The following RGPD1 variants were observed in gnomAD, a reference collection of about 807,000 sequenced individuals.
The protein encoded by RGPD1 is RANBP2 like and GRIP domain containing 1.
Under a neutral mutation model 40.6 loss-of-function variants are expected in RGPD1, and 7 were observed. The ratio of observed to expected loss-of-function variants is 0.17; its 90% CI spans 0.10 to 0.32. The LOEUF (loss-of-function observed/expected upper bound fraction) is 0.32. Ranked by LOEUF, RGPD1 falls within the 10% of genes least tolerant of loss-of-function variation. The probability of loss-of-function intolerance (pLI) is 1.00; values close to 1 mark genes in which losing one functional copy is unlikely to be tolerated. For missense variants in RGPD1, 50 were observed against 472.5 expected (o/e 0.11, Z 8.29); for synonymous variants, 24 against 167.0 (o/e 0.14, Z 6.60).
chr2:86,941,148 A>G (rs1302311402), upstream of RGPD1, among the ~76,000 whole-genome samples: 1 of 152,234 alleles, frequency 6.6e-6, no homozygotes, highest in African/African-American at 2.4e-5. Flanking sequence ...CCACATAATT[A>G]AGACTGTAAT....
intron 1 of RGPD1, among the ~76,000 whole-genome samples, chr2:86,945,657 A>C (rs28416556): frequency 2.6e-5 from 4 of 151,958 alleles, no homozygotes; most frequent in African/African-American, 4.8e-5. Context: ...TCTGTAATCC[A>C]AGCACTTTGG....
intron 1 of RGPD1, among the ~76,000 whole-genome samples, chr2:86,944,982 C>T (rs1680233073): frequency 6.6e-6 from 1 of 150,576 alleles, no homozygotes; most frequent in Non-Finnish European, 1.5e-5. Context: ...GCCACAAGTG[C>T]TGAGATTACA....
upstream of RGPD1, chr2:86,913,810 C>G: frequency 1.3e-6 from 2 of 1,525,516 alleles, no homozygotes; most frequent in Non-Finnish European, 1.8e-6. Flanking sequence ...CGGGGCTGAG[C>G]GCTGGTTTCA....
Position 86,913,870 on chromosome 2 carries a change from C to G in RGPD1, c.21C>G (p.Tyr7Ter), listed in dbSNP as rs375834601. ...GTGCGATGAGGCGCAGCAAGGCCTA[C>G]GGGGAGCGGTACCTCGCCTCGGTGC... Residue 7 changes from tyrosine (Y) to a stop codon, truncating the protein, a stop_gained, in exon 1 of 23, where the codon TAC becomes TAG. Coordinates refer to the RGPD1 transcript ENST00000398193. LOFTEE classifies it high-confidence loss of function. 30 of 1,579,642 alleles carry G rather than the reference C, an allele frequency of 1.9e-5. 2 individuals are homozygous for G. Among genetic ancestry groups the G allele is most frequent in the Non-Finnish European group, 2.4e-5 (28 of 1,162,782 alleles).
exon 1 of RGPD1, chr2:86,913,855 G>A: frequency 6.3e-7 from 1 of 1,578,978 alleles, no homozygotes; most frequent in Non-Finnish European, 8.6e-7. Flanking sequence ...GTGCGATGAG[G>A]CGCAGCAAGG....
intron 1 of RGPD1, among the ~76,000 whole-genome samples, chr2:86,918,495 T>C (rs1391148733): frequency 7.4e-6 from 1 of 135,974 alleles, no homozygotes; most frequent in African/African-American, 3.1e-5. Context: ...AATGTTGCTC[T>C]GTCACCTAGG....
intron 1 of RGPD1, among the ~76,000 whole-genome samples, chr2:86,924,632 T>C (rs1484744052): frequency 7.3e-5 from 11 of 150,822 alleles, no homozygotes; most frequent in African/African-American, 2.7e-4. Context: ...GCCTGGCTAA[T>C]TTTTAAATTT....
At chr2:86,931,709 A>G (rs1020540637) in intron 1 of RGPD1, among the ~76,000 whole-genome samples, 23 of 151,800 alleles carry the variant, frequency 1.5e-4, no homozygotes, top group African/African-American at 5.6e-4. Context: ...ATAAATAAAT[A>G]ATCAAGTTCC....
At chr2:86,927,108 C>T (rs1469965231) in intron 1 of RGPD1, among the ~76,000 whole-genome samples, 1 of 152,120 alleles carries the variant, frequency 6.6e-6, no homozygotes, top group Admixed American at 6.6e-5. Context: ...CCACTTAAAT[C>T]AGTTTTAATT....
upstream of RGPD1, chr2:86,913,688 A>T (rs1206493118): frequency 4.5e-6 from 6 of 1,322,908 alleles, no homozygotes; most frequent in Non-Finnish European, 6.0e-6. Flanking sequence ...TGGAGCGCCG[A>T]CGTCGCCAAG....
At chr2:86,954,692 G>A (rs566578328) in intron 4 of RGPD1, among the ~76,000 whole-genome samples, 1 of 141,234 alleles carries the variant, frequency 7.1e-6, no homozygotes, top group Admixed American at 7.3e-5. Flanking sequence ...TTTGGATAGG[G>A]GATACTCAAC....
intron 1 of RGPD1, among the ~76,000 whole-genome samples, chr2:86,936,304 C>G (rs1425718786): frequency 2.5e-5 from 2 of 80,286 alleles, no homozygotes; most frequent in African/African-American, 8.3e-5. Flanking sequence ...CCGCACCAGG[C>G]CTCAATAAAA....
chr2:86,955,954 T>G (rs1168601154), intron 4 of RGPD1, among the ~76,000 whole-genome samples: 1 of 151,000 alleles, frequency 6.6e-6, no homozygotes, highest in Non-Finnish European at 1.5e-5. Flanking sequence ...TAAGATACTT[T>G]GAAGCACTCT....
upstream of RGPD1, among the ~76,000 whole-genome samples, chr2:86,941,365 T>C (rs957335661): frequency 6.6e-6 from 1 of 150,636 alleles, no homozygotes; most frequent in Non-Finnish European, 1.5e-5. Flanking sequence ...GAAATATATA[T>C]AGATTTGGGG....
At chr2:86,944,369 T>A (rs917182029) in intron 1 of RGPD1, among the ~76,000 whole-genome samples, 3 of 151,910 alleles carry the variant, frequency 2.0e-5, no homozygotes, top group African/African-American at 7.3e-5. Flanking sequence ...TAATTGAGGG[T>A]TCCTGTAACT....
At chr2:87,007,715 A>G (rs1329643229) in intron 22 of RGPD1, among the ~76,000 whole-genome samples, 1 of 152,252 alleles carries the variant, frequency 6.6e-6, no homozygotes, top group Non-Finnish European at 1.5e-5. Flanking sequence ...CTCTTAGAGA[A>G]CCACAGGATT....
intron 1 of RGPD1, among the ~76,000 whole-genome samples, chr2:86,926,610 GC>G (rs1177338447): frequency 2.0e-5 from 3 of 150,910 alleles, no homozygotes; most frequent in African/African-American, 7.3e-5. Context: ...GTGGTTTATG[GC>G]CCCCCATATA....
chr2:86,943,196 G>T (rs1472110131), intron 1 of RGPD1, among the ~76,000 whole-genome samples: 10 of 150,568 alleles, frequency 6.6e-5, no homozygotes, highest in Non-Finnish European at 1.3e-4. Context: ...GACAGGGGAA[G>T]TCCCCTTGTT....
At chr2:86,998,462 C>G (rs1376668931) in intron 22 of RGPD1, among the ~76,000 whole-genome samples, 1 of 20,078 alleles carries the variant, frequency 5.0e-5, no homozygotes, top group Non-Finnish European at 7.6e-5. Flanking sequence ...TTGCAGTGAT[C>G]TGTCACGCCA....
Sources: allele counts gnomAD v4.1 joint callset (sites outside exome capture counted in the v4.1 genomes callset), GRCh38; gene constraint gnomAD v4.1.1; transcripts MANE v1.5; gene names NCBI Gene and HGNC (gene_info 2026-07-23, HGNC 2026-07-21).